The following PRKAG2 variants were observed in gnomAD, a reference collection of about 807,000 sequenced individuals.
PRKAG2 encodes the protein protein kinase AMP-activated non-catalytic subunit gamma 2, also known as 5'-AMP-activated protein kinase subunit gamma-2.
In PRKAG2, 26 loss-of-function variants were observed where a neutral mutation model predicts 69.6. The observed-to-expected ratio is 0.37, with a 90% CI of 0.27 to 0.52. The LOEUF (loss-of-function observed/expected upper bound fraction) is 0.52, where lower values mean the gene tolerates loss of function less well. PRKAG2 is among the 20% of genes least tolerant of loss of function. The pLI, the probability that PRKAG2 is intolerant of heterozygous loss-of-function variation, is 0.90. For synonymous variants in PRKAG2, 293 were observed against 285.0 expected, an observed-to-expected ratio of 1.03 and a Z score of -0.28; for missense variants, 557 against 740.0, an observed-to-expected ratio of 0.75 and a Z score of 2.87.
intron 3 of PRKAG2, among the ~76,000 whole-genome samples, chr7:151,762,396 G>A (rs187186051): frequency 2.3e-4 from 35 of 152,244 alleles, no homozygotes; most frequent in African/African-American, 7.5e-4. Flanking sequence ...CATATACGAC[G>A]TATACGTAAG....
intron 6 of PRKAG2, among the ~76,000 whole-genome samples, chr7:151,586,599 A>G (rs1199758294): frequency 1.3e-5 from 2 of 152,210 alleles, no homozygotes; most frequent in South Asian, 4.1e-4. Context: ...TGCTCTCCGC[A>G]ACTATTGTGG....
chr7:151,692,644 A>T (rs926406879), intron 3 of PRKAG2, among the ~76,000 whole-genome samples: 5 of 152,016 alleles, frequency 3.3e-5, no homozygotes, highest in Admixed American at 3.3e-4. Flanking sequence ...GTGCCCTAAC[A>T]TGAGTTCGGG....
At chr7:151,584,889 C>G (rs367896060) in intron 6 of PRKAG2, among the ~76,000 whole-genome samples, 1 of 151,994 alleles carries the variant, frequency 6.6e-6, no homozygotes, top group African/African-American at 2.4e-5. Context: ...ACAGTGAAAC[C>G]CTATCTCTAA....
chr7:151,595,544 T>G, intron 5 of PRKAG2, 90 bp from the exon 6 acceptor site: 1 of 898,646 alleles, frequency 1.1e-6, no homozygotes, highest in Non-Finnish European at 1.8e-6. Context: ...ACTAACAGAC[T>G]TAATGGTAAA....
intron 3 of PRKAG2, among the ~76,000 whole-genome samples, chr7:151,721,965 C>T (rs144573782): frequency 6.6e-6 from 1 of 152,162 alleles, no homozygotes; most frequent in African/African-American, 2.4e-5. Flanking sequence ...ATGCAGCCCA[C>T]CCTGACTACT....
intron 4 of PRKAG2, among the ~76,000 whole-genome samples, chr7:151,644,269 T>G (rs1364956740): frequency 1.3e-5 from 2 of 152,180 alleles, no homozygotes; most frequent in Admixed American, 6.5e-5. Context: ...TAAATAAATG[T>G]TAAAGAGAAA....
chr7:151,735,867 C>G, intron 3 of PRKAG2: 1 of 1,536,094 alleles, frequency 6.5e-7, no homozygotes, highest in South Asian at 1.2e-5. Context: ...CAAGGACAGA[C>G]CACCAGGGGC....
intron 1 of PRKAG2, among the ~76,000 whole-genome samples, chr7:151,849,428 G>C (rs1563752217): frequency 6.6e-6 from 1 of 152,206 alleles, no homozygotes. Context: ...GTCCCTATTA[G>C]TCTCTGTGTC....
chr7:151,799,400 G>C (rs2077712269), intron 1 of PRKAG2, among the ~76,000 whole-genome samples: 2 of 152,208 alleles, frequency 1.3e-5, no homozygotes, highest in African/African-American at 2.4e-5. Flanking sequence ...GCAACGGGCT[G>C]GCCATCCCTC....
intron 3 of PRKAG2, among the ~76,000 whole-genome samples, chr7:151,698,604 C>T (rs1421383798): frequency 6.6e-6 from 1 of 152,116 alleles, no homozygotes; most frequent in African/African-American, 2.4e-5. Flanking sequence ...CCTCAGCTCC[C>T]CCTTTGCCTT....
intron 4 of PRKAG2, among the ~76,000 whole-genome samples, chr7:151,648,347 T>C (rs1198113268): frequency 6.6e-6 from 1 of 152,216 alleles, no homozygotes; most frequent in Non-Finnish European, 1.5e-5. Context: ...AAAATGTCGC[T>C]ATGAAAACGT....
chr7:151,847,063 G>A (rs2079449760), intron 1 of PRKAG2, among the ~76,000 whole-genome samples: 1 of 152,236 alleles, frequency 6.6e-6, no homozygotes, highest in Non-Finnish European at 1.5e-5. Context: ...TCTCGGCCTT[G>A]TACCTGTGCA....
At chr7:151,692,354 A>G (rs2151532945) in intron 3 of PRKAG2, among the ~76,000 whole-genome samples, 1 of 152,338 alleles carries the variant, frequency 6.6e-6, no homozygotes, top group African/African-American at 2.4e-5. Context: ...GTCCAAATAT[A>G]TACATACTAT....
intron 3 of PRKAG2, among the ~76,000 whole-genome samples, chr7:151,714,045 T>TG (rs932171153): frequency 2.1e-4 from 32 of 152,186 alleles, no homozygotes; most frequent in African/African-American, 7.2e-4. Context: ...CAGTCAAGTG[T>TG]GGGGGGTCAC....
At chr7:151,671,224 T>C (rs539998160) in intron 4 of PRKAG2, among the ~76,000 whole-genome samples, 2 of 151,676 alleles carry the variant, frequency 1.3e-5, no homozygotes, top group Non-Finnish European at 2.9e-5. Context: ...AAAGACTAAT[T>C]TTCTCCATTC....
At chr7:151,795,655 A>G (rs1477090132) in intron 1 of PRKAG2, among the ~76,000 whole-genome samples, 1 of 152,000 alleles carries the variant, frequency 6.6e-6, no homozygotes, top group African/African-American at 2.4e-5. Context: ...GAAGCAGATC[A>G]TGCTGAATGA....
intron 5 of PRKAG2, among the ~76,000 whole-genome samples, chr7:151,622,807 T>C (rs945559537): frequency 2.0e-5 from 3 of 152,180 alleles, no homozygotes; most frequent in Admixed American, 6.5e-5. Flanking sequence ...AAGAACAGAA[T>C]CGCTGGAATC....
chr7:151,650,119 C>T (rs916980397), intron 4 of PRKAG2, among the ~76,000 whole-genome samples: 1 of 151,984 alleles, frequency 6.6e-6, no homozygotes, highest in Admixed American at 6.6e-5. Flanking sequence ...TACTCAGGAG[C>T]CTGAGGCGGG....
At chr7:151,630,059 C>A (rs1309618783) in intron 5 of PRKAG2, among the ~76,000 whole-genome samples, 1 of 152,204 alleles carries the variant, frequency 6.6e-6, no homozygotes, top group Non-Finnish European at 1.5e-5. Flanking sequence ...GTTTAACATT[C>A]TGCCTCCTTA....
Sources: gnomAD v4.1 joint callset for allele counts (sites outside exome capture counted in the v4.1 genomes callset) on GRCh38, gnomAD v4.1.1 for gene constraint, MANE v1.5 for transcripts, NCBI Gene and HGNC (gene_info 2026-07-23, HGNC 2026-07-21) for gene names.